CLTCL1: variants seen among roughly 807,000 people sequenced by gnomAD.
CLTCL1 encodes the protein clathrin heavy chain like 1.
Under a neutral mutation model 190.0 loss-of-function variants are expected in CLTCL1, and 159 were observed. That is an observed-to-expected ratio of 0.84 (90% confidence interval 0.74 to 0.95). The LOEUF is 0.95. CLTCL1 is among the 40% of genes least tolerant of loss of function. The pLI is 0.00. For synonymous variants in CLTCL1, 752 were observed against 769.6 expected (o/e 0.98, Z 0.38); for missense variants, 1,878 against 2,033.4 (o/e 0.92, Z 1.47).
At chr22:19,187,470 GA>G in intron 29 of CLTCL1, 87 bp downstream of exon 29, 1 of 1,393,406 alleles carries the variant, frequency 7.2e-7, no homozygotes, top group Non-Finnish European at 9.8e-7. Flanking sequence ...CAGGTCTCAG[GA>G]ACAAGAGGGA....
chr22:19,209,214 G>T, intron 20 of CLTCL1, 100 bp from the exon 21 acceptor site: 1 of 1,083,530 alleles, frequency 9.2e-7, no homozygotes, highest in Non-Finnish European at 1.3e-6. Context: ...AAAGCTGCAT[G>T]ACCATTTCAC....
At chr22:19,193,651 G>C (rs2084592279) in intron 26 of CLTCL1, among the ~76,000 whole-genome samples, 1 of 152,258 alleles carries the variant, frequency 6.6e-6, no homozygotes, top group Admixed American at 6.5e-5. Context: ...CAGGCGGATT[G>C]TGTCTGTAAT....
At chr22:19,251,046 T>C (rs958759668) in intron 3 of CLTCL1, among the ~76,000 whole-genome samples, 3 of 152,194 alleles carry the variant, frequency 2.0e-5, no homozygotes, top group Non-Finnish European at 4.4e-5. Context: ...TTATGTTGAA[T>C]TTGTAGACCA....
chr22:19,223,167 G>T (rs1241538862), intron 14 of CLTCL1, among the ~76,000 whole-genome samples: 1 of 152,074 alleles, frequency 6.6e-6, no homozygotes, highest in Non-Finnish European at 1.5e-5. Flanking sequence ...ACACGCAGCC[G>T]CAGGCCATGG....
chr22:19,259,622 C>T (rs191106927), intron 2 of CLTCL1, among the ~76,000 whole-genome samples: 116 of 152,174 alleles, frequency 7.6e-4, no homozygotes, highest in African/African-American at 2.2e-3. Flanking sequence ...TCACCATGAA[C>T]CACACACATA....
At chr22:19,225,417 C>A in intron 13 of CLTCL1, 36 bp downstream of exon 13, 2 of 1,523,618 alleles carry the variant, frequency 1.3e-6, no homozygotes, top group Non-Finnish European at 1.8e-6. Flanking sequence ...GAGGTGTAGT[C>A]ACATGGTGGG....
chr22:19,199,437 T>C (rs1039063479), intron 24 of CLTCL1, among the ~76,000 whole-genome samples: 2 of 152,180 alleles, frequency 1.3e-5, no homozygotes, highest in African/African-American at 4.8e-5. Flanking sequence ...CTCCAAGGGT[T>C]GTTCCCGTCA....
In CLTCL1 at chr22:19,225,841, C is replaced by T. The variant is rs2085725756; in HGVS notation, c.1948-208G>A. Among the ~76,000 whole-genome samples the T allele has an allele frequency of 5.9e-5, 9 of 152,308 alleles. No individual in the cohort carries two copies. In the South Asian group the frequency reaches 1.5e-3, roughly 25 times the overall value. ...AAAAGACACTGATCTAAACTGTTCA[C>T]CTGGAATATTCCACAGATGATGCTA... On this transcript the variant is annotated intron_variant, in intron 12 of 32. Coordinates refer to ENST00000427926, the MANE Select transcript of CLTCL1 (RefSeq NM_007098.4).
At chr22:19,233,070 A>T in intron 9 of CLTCL1, 96 bp downstream of exon 9, 1 of 1,297,344 alleles carries the variant, frequency 7.7e-7, no homozygotes, top group South Asian at 1.4e-5. Context: ...ACACCAGAGG[A>T]CTTACAAAGA....
intron 2 of CLTCL1, among the ~76,000 whole-genome samples, chr22:19,261,008 A>T (rs561743685): frequency 6.6e-6 from 1 of 152,032 alleles, no homozygotes; most frequent in East Asian, 1.9e-4. Flanking sequence ...TCTGACGGAG[A>T]TATACAAGGA....
At chr22:19,209,964 G>A (rs984265381) in intron 20 of CLTCL1, among the ~76,000 whole-genome samples, 2 of 152,136 alleles carry the variant, frequency 1.3e-5, no homozygotes, top group African/African-American at 4.8e-5. Context: ...GAGTAGCATG[G>A]TGCAGAGGGC....
At chr22:19,229,029 T>A (rs1191157841) in intron 11 of CLTCL1, among the ~76,000 whole-genome samples, 1 of 152,188 alleles carries the variant, frequency 6.6e-6, no homozygotes, top group East Asian at 1.9e-4. Flanking sequence ...GTATGGTGGT[T>A]CCTCAAAAAG....
At chr22:19,283,719 T>G (rs920080103) in intron 1 of CLTCL1, among the ~76,000 whole-genome samples, 1 of 151,092 alleles carries the variant, frequency 6.6e-6, no homozygotes, top group Non-Finnish European at 1.5e-5. Context: ...GGGCCAGACA[T>G]GGTGGCTCAT....
At chr22:19,241,420 A>G (rs1206555) in intron 4 of CLTCL1, among the ~76,000 whole-genome samples, 8,972 of 152,304 alleles carry the variant, frequency 0.059, 328 homozygotes, top group Middle Eastern at 0.16. Context: ...GTCCTTCATC[A>G]GCAACAAGGC....
intron 3 of CLTCL1, among the ~76,000 whole-genome samples, chr22:19,248,729 T>G (rs1413776786): frequency 2.0e-5 from 3 of 152,198 alleles, no homozygotes; most frequent in Non-Finnish European, 4.4e-5. Context: ...GATGTATTTT[T>G]AGTAGAGATG....
intron 2 of CLTCL1, among the ~76,000 whole-genome samples, chr22:19,275,094 T>C (rs782768868): frequency 3.3e-5 from 5 of 152,244 alleles, no homozygotes; most frequent in Admixed American, 2.6e-4. Context: ...ACTGCATACA[T>C]AATCCTTTTA....
chr22:19,180,198 C>G lies in CLTCL1; in HGVS notation c.*20+1G>C. On this transcript the variant is annotated splice_donor_variant, in intron 32 of 32. Transcript: ENST00000427926. LOFTEE classifies it low-confidence loss of function (3UTR_SPLICE). The stretch of plus-strand genomic sequence containing the variant: ...AGCTAGTCTCCAAATGGGACACTTA[C>G]TTAGTGCAATCAGCTGGGTCTCATT... 3.1e-6 allele frequency: 5 copies of G among 1,613,554 alleles called. No individual in the cohort carries two copies. The highest frequency in any genetic ancestry group is 4.2e-6 in the Non-Finnish European group (5 of 1,179,588).
intron 4 of CLTCL1, 33 bp downstream of exon 4, chr22:19,242,742 T>C: frequency 1.2e-6 from 2 of 1,613,176 alleles, no homozygotes; most frequent in Non-Finnish European, 1.7e-6. Context: ...CATGACACTT[T>C]TCTCAGGGAG....
chr22:19,186,614 T>A (rs1008710241), intron 29 of CLTCL1, among the ~76,000 whole-genome samples: 3 of 32,084 alleles, frequency 9.4e-5, no homozygotes, highest in Non-Finnish European at 1.3e-4. Flanking sequence ...CCTTTTTTTT[T>A]TTCCGAGACA....
Sources: gnomAD v4.1 joint callset for allele counts (sites outside exome capture counted in the v4.1 genomes callset) on GRCh38, gnomAD v4.1.1 for gene constraint, MANE v1.5 for transcripts, NCBI Gene and HGNC (gene_info 2026-07-23, HGNC 2026-07-21) for gene names.